The following DCDC1 variants were observed in gnomAD, a reference collection of about 807,000 sequenced individuals.
The protein encoded by DCDC1 is doublecortin domain-containing protein 1.
Under a neutral mutation model 178.3 loss-of-function variants are expected in DCDC1, and 200 were observed. The observed-to-expected ratio is 1.12, with a 90% CI of 1.00 to 1.26. The LOEUF is 1.26. Ranked by LOEUF, DCDC1 falls within the 50% of genes most tolerant of loss-of-function variation. The pLI, the probability that DCDC1 is intolerant of heterozygous loss-of-function variation, is 0.00. For missense variants in DCDC1, 1,983 were observed against 1,749.2 expected (o/e 1.13, Z -2.38); for synonymous variants, 690 against 604.8 (o/e 1.14, Z -2.07).
At chr11:31,366,100 A>G (rs1951944431) in intron 1 of DCDC1, among the ~76,000 whole-genome samples, 1 of 152,098 alleles carries the variant, frequency 6.6e-6, no homozygotes, top group South Asian at 2.1e-4. Flanking sequence ...GGGAAATACT[A>G]TTATTACTCC....
chr11:31,075,295 A>G (rs1956800019), intron 18 of DCDC1, among the ~76,000 whole-genome samples: 2 of 152,136 alleles, frequency 1.3e-5, no homozygotes. Context: ...TTGTTCACTG[A>G]TAGAACTTTA....
intron 8 of DCDC1, among the ~76,000 whole-genome samples, chr11:31,259,741 G>C (rs1283475844): frequency 1.3e-5 from 2 of 152,158 alleles, no homozygotes; most frequent in Non-Finnish European, 1.5e-5. Flanking sequence ...ATGGGAGATT[G>C]CTTCCCAAGA....
intron 10 of DCDC1, among the ~76,000 whole-genome samples, chr11:31,129,425 G>T (rs894288504): frequency 2.6e-5 from 4 of 151,848 alleles, no homozygotes; most frequent in South Asian, 2.1e-4. Context: ...TTTAAAAAGG[G>T]TCACATAGTA....
chr11:30,921,235 T>C (rs1946232002), intron 24 of DCDC1, among the ~76,000 whole-genome samples: 1 of 152,176 alleles, frequency 6.6e-6, no homozygotes, highest in South Asian at 2.1e-4. Flanking sequence ...TTCTCTGGGA[T>C]CCAAAACTCA....
At chr11:31,237,862 A>C (rs1976641869) in intron 9 of DCDC1, among the ~76,000 whole-genome samples, 1 of 152,098 alleles carries the variant, frequency 6.6e-6, no homozygotes, top group African/African-American at 2.4e-5. Flanking sequence ...AAATTCCTTA[A>C]GATTTCTTAA....
At position 31,235,602 on chromosome 11, in the gene DCDC1, AT is replaced by A. The variant is rs1187653272; in HGVS notation, c.1221+5847del. 1.1e-4 allele frequency among the ~76,000 whole-genome samples: 16 copies of A among 152,084 alleles called. No individual in the cohort carries two copies. The South Asian group carries it at 3.1e-3, about 30-fold the overall frequency. ...ATTATAAAATGAAACAATTTAAATA[AT>A]TTTTAATTAATCAAGAAAAGTAAGG... On this transcript the variant is annotated intron_variant, in intron 9 of 38. Transcript: ENST00000684477.
At chr11:30,942,254 G>C (rs922204037) in intron 21 of DCDC1, among the ~76,000 whole-genome samples, 8 of 152,196 alleles carry the variant, frequency 5.3e-5, no homozygotes, top group Non-Finnish European at 1.0e-4. Flanking sequence ...ATAAAGGGAA[G>C]TAGTGGGATG....
chr11:31,131,874 T>C (rs1433837442), intron 10 of DCDC1, among the ~76,000 whole-genome samples: 1 of 152,232 alleles, frequency 6.6e-6, no homozygotes, highest in Non-Finnish European at 1.5e-5. Context: ...AGACTTTGAT[T>C]TGAGGGCATT....
chr11:30,963,996 T>C (rs1162133571), intron 20 of DCDC1, among the ~76,000 whole-genome samples: 3 of 152,166 alleles, frequency 2.0e-5, no homozygotes, highest in Non-Finnish European at 4.4e-5. Context: ...CTTCTGATTT[T>C]CATCCACTTC....
At chr11:30,932,169 T>C (rs924339915) in intron 21 of DCDC1, among the ~76,000 whole-genome samples, 1 of 152,090 alleles carries the variant, frequency 6.6e-6, no homozygotes, top group Non-Finnish European at 1.5e-5. Flanking sequence ...CTGTGTTATG[T>C]TGCAAGATGA....
chr11:31,123,362 T>C (rs2135904784), intron 11 of DCDC1, among the ~76,000 whole-genome samples: 1 of 152,192 alleles, frequency 6.6e-6, no homozygotes, highest in South Asian at 2.1e-4. Flanking sequence ...ATTTAAAAAT[T>C]AGGAAGTGAA....
intron 21 of DCDC1, among the ~76,000 whole-genome samples, 191 bp downstream of exon 21, chr11:30,952,254 A>G (rs559866386): frequency 1.3e-5 from 2 of 152,316 alleles, no homozygotes; most frequent in African/African-American, 2.4e-5. Flanking sequence ...GAAAAAATAG[A>G]TAAGTTCATC....
intron 20 of DCDC1, among the ~76,000 whole-genome samples, chr11:30,956,345 T>G (rs561480916): frequency 4.3e-4 from 65 of 152,302 alleles, no homozygotes; most frequent in African/African-American, 1.4e-3. Context: ...CCAAAGTACT[T>G]TTTCATACAC....
At chr11:30,928,878 T>A (rs1946755689) in intron 22 of DCDC1, among the ~76,000 whole-genome samples, 1 of 151,724 alleles carries the variant, frequency 6.6e-6, no homozygotes, top group Non-Finnish European at 1.5e-5. Context: ...TCATTTTACC[T>A]GTAATTTTTT....
At chr11:31,099,721 G>GTT (rs371157451) in intron 15 of DCDC1, among the ~76,000 whole-genome samples, 15 of 136,188 alleles carry the variant, frequency 1.1e-4, no homozygotes, top group Admixed American at 4.4e-4. Flanking sequence ...TTTGTTTGTT[G>GTT]TTTTTTTTTT....
At chr11:31,138,052 G>A (rs1359745582) in intron 9 of DCDC1, among the ~76,000 whole-genome samples, 3 of 152,060 alleles carry the variant, frequency 2.0e-5, no homozygotes, top group African/African-American at 7.2e-5. Flanking sequence ...AGACACTGAT[G>A]AGTACTTTTT....
intron 20 of DCDC1, among the ~76,000 whole-genome samples, chr11:31,017,602 G>C (rs1952566497): frequency 6.8e-6 from 1 of 147,456 alleles, no homozygotes; most frequent in Non-Finnish European, 1.5e-5. Context: ...TTTTTTTTGA[G>C]ACAGTCTTGC....
chr11:31,331,582 A>G (rs1251184095), intron 2 of DCDC1, among the ~76,000 whole-genome samples: 1 of 152,178 alleles, frequency 6.6e-6, no homozygotes, highest in South Asian at 2.1e-4. Context: ...TTGAGTTTTT[A>G]GCACAAAGGA....
chr11:30,877,085 G>T (rs2133953019), intron 38 of DCDC1, among the ~76,000 whole-genome samples: 1 of 152,276 alleles, frequency 6.6e-6, no homozygotes, highest in African/African-American at 2.4e-5. Context: ...TGTAACATGT[G>T]AAATTTCACC....
Sources: gnomAD v4.1 joint callset for allele counts (sites outside exome capture counted in the v4.1 genomes callset) on GRCh38, gnomAD v4.1.1 for gene constraint, MANE v1.5 for transcripts, NCBI Gene and HGNC (gene_info 2026-07-23, HGNC 2026-07-21) for gene names.